PIAS2: variants seen among roughly 807,000 people sequenced by gnomAD.
PIAS2 encodes the protein E3 SUMO-protein ligase PIAS2.
PIAS2 carries 19 observed loss-of-function variants against 69.7 expected under a neutral mutation model. That is an observed-to-expected ratio of 0.27 (90% CI 0.19 to 0.40). PIAS2 has a LOEUF of 0.40. PIAS2 is among the 10% of genes least tolerant of loss of function. PIAS2 has a pLI of 1.00. For synonymous variants in PIAS2, 261 were observed against 263.2 expected, an observed-to-expected ratio of 0.99 and a Z score of 0.08; for missense variants, 624 against 757.0, an observed-to-expected ratio of 0.82 and a Z score of 2.06.
At chr18:46,880,090 A>G (rs992497886) in intron 2 of PIAS2, among the ~76,000 whole-genome samples, 1 of 120,794 alleles carries the variant, frequency 8.3e-6, no homozygotes, top group Admixed American at 7.9e-5. Context: ...TTACCACAGT[A>G]AAAAAAAAAA....
chr18:46,847,589 C>T (rs916683020), intron 5 of PIAS2, among the ~76,000 whole-genome samples: 2 of 151,716 alleles, frequency 1.3e-5, no homozygotes, highest in Admixed American at 1.3e-4. Context: ...TCACGCCAGT[C>T]TCCTGTCTCA....
At chr18:46,837,360 G>A (rs2044601802) in intron 8 of PIAS2, among the ~76,000 whole-genome samples, 2 of 152,144 alleles carry the variant, frequency 1.3e-5, no homozygotes, top group South Asian at 2.1e-4. Context: ...TTAAGTGGTA[G>A]TTGAGCCTCT....
chr18:46,820,258 TTA>T (rs563659208), intron 12 of PIAS2, among the ~76,000 whole-genome samples: 43 of 152,300 alleles, frequency 2.8e-4, no homozygotes, highest in African/African-American at 9.9e-4. Flanking sequence ...CAGCATATTG[TTA>T]TAATTGTTCT....
upstream of PIAS2, among the ~76,000 whole-genome samples, chr18:46,918,857 A>G (rs2058313528): frequency 1.3e-5 from 2 of 151,678 alleles, no homozygotes; most frequent in African/African-American, 4.9e-5. Context: ...ACCATCCCTC[A>G]CCCACATCCC....
chr18:46,877,143 G>C (rs867360642), intron 2 of PIAS2, among the ~76,000 whole-genome samples: 10 of 152,144 alleles, frequency 6.6e-5, no homozygotes, highest in Non-Finnish European at 2.9e-5. Context: ...TAGCACAAAG[G>C]CTTATTGAAA....
At chr18:46,838,066 C>T (rs1023161752) in intron 8 of PIAS2, among the ~76,000 whole-genome samples, 2 of 152,326 alleles carry the variant, frequency 1.3e-5, no homozygotes, top group Admixed American at 1.3e-4. Flanking sequence ...AAAATTAAAA[C>T]ATTCTTAGCT....
chr18:46,858,429 G>A (rs944969747), intron 3 of PIAS2, among the ~76,000 whole-genome samples: 5 of 152,314 alleles, frequency 3.3e-5, no homozygotes, highest in Admixed American at 3.3e-4. Context: ...ACAAGGGCTT[G>A]AAGCTGGGCG....
intron 1 of PIAS2, among the ~76,000 whole-genome samples, chr18:46,905,052 A>G (rs1180768927): frequency 6.6e-6 from 1 of 152,232 alleles, no homozygotes; most frequent in Non-Finnish European, 1.5e-5. Flanking sequence ...AACATATATA[A>G]AACTGCACCA....
Position 46,844,134 on chromosome 18 carries a change from AAAG to A in PIAS2, c.968-10_968-8del, listed in dbSNP as rs1359575969. 1 of 1,418,418 alleles carries A rather than the reference AAAG, an allele frequency of 7.1e-7. No homozygotes were observed. Among genetic ancestry groups the A allele is most frequent in the Admixed American group, 2.6e-5 (1 of 38,298 alleles). 87.9% of individuals were successfully genotyped at this position (1,418,418 alleles called of 1,614,324 possible). A position where few individuals can be genotyped will look rare whatever the true frequency, so the allele number is the denominator to read the frequency against. ...GCAGTAAGTTTTTCTTTAACTTTAA[AAAG>A]AAGAGAAAAAAAAAAATTTAAAAAA... On this transcript the variant is annotated splice_region_variant and splice_polypyrimidine_tract_variant and intron_variant, in intron 7 of 13. Transcript: ENST00000585916.
At position 46,808,734 on chromosome 18, in the gene PIAS2, T is replaced by C. The variant is rs1309478337; in HGVS notation, c.*3699A>G. 5.3e-5 allele frequency: 8 copies of C among 151,780 alleles called. No individual in the cohort carries two copies. In the East Asian group the frequency reaches 1.4e-3, roughly 26 times the overall value. 9.4% of individuals were successfully genotyped at this position (151,780 alleles called of 1,614,324 possible). On this transcript the variant is annotated 3_prime_UTR_variant, in exon 14 of 14. Transcript: ENST00000585916. ...CTAGAAAATAATGGTAGTGTCATTA[T>C]GACATTCCATGAAAATGAAGAAAAT...
At chr18:46,843,514 T>C (rs2045727013) in intron 8 of PIAS2, among the ~76,000 whole-genome samples, 1 of 152,164 alleles carries the variant, frequency 6.6e-6, no homozygotes. Flanking sequence ...TTATTAACAT[T>C]CTAAGCAAGC....
At chr18:46,892,053 G>T (rs529578330) in intron 1 of PIAS2, among the ~76,000 whole-genome samples, 5 of 152,030 alleles carry the variant, frequency 3.3e-5, no homozygotes, top group African/African-American at 1.2e-4. Context: ...GTGGTTTGGT[G>T]TCCCATCCCA....
rs191417304 is a variant in PIAS2, at chr18:46,901,697, C to T, written c.25-10643G>A. 5.3e-3 allele frequency among the ~76,000 whole-genome samples: 799 copies of T among 152,088 alleles called. 7 individuals carry two copies. The highest frequency in any genetic ancestry group is 0.018 in the African/African-American group (747 of 41,486). Reference sequence around the variant, plus strand: ...AATCATATGATCAAATCAATCAATGCGAAAAACGCATTTCACAAATTCAAC... The same window carrying T: ...AATCATATGATCAAATCAATCAATGTGAAAAACGCATTTCACAAATTCAAC... On this transcript the variant is annotated intron_variant, in intron 1 of 13. Coordinates refer to ENST00000585916, the MANE Select transcript of PIAS2 (RefSeq NM_004671.5).
chr18:46,915,984 G>A (rs1169368850), intron 1 of PIAS2, among the ~76,000 whole-genome samples: 2 of 152,154 alleles, frequency 1.3e-5, no homozygotes, highest in Admixed American at 1.3e-4. Context: ...AAGCTCTACA[G>A]CTGGGGCTCT....
At chr18:46,848,022 A>C (rs1041574959) in intron 5 of PIAS2, among the ~76,000 whole-genome samples, 1 of 152,238 alleles carries the variant, frequency 6.6e-6, no homozygotes, top group Non-Finnish European at 1.5e-5. Flanking sequence ...TACTATGTAT[A>C]TATGGCAAAG....
chr18:46,909,658 T>C (rs1044596410), intron 1 of PIAS2, among the ~76,000 whole-genome samples: 1 of 152,238 alleles, frequency 6.6e-6, no homozygotes, highest in Non-Finnish European at 1.5e-5. Context: ...TTTTGGAAGA[T>C]AATCTGACAT....
intron 2 of PIAS2, among the ~76,000 whole-genome samples, chr18:46,882,194 GAAT>G (rs2052379293): frequency 6.6e-6 from 1 of 152,060 alleles, no homozygotes; most frequent in African/African-American, 2.4e-5. Context: ...CAGTAAATTA[GAAT>G]ATTATATTTT....
chr18:46,828,098 T>A lies in PIAS2; in HGVS notation c.1369A>T (p.Thr457Ser). Reference sequence around the variant, plus strand: ...TTCTTGCTTGCCTCACTGGCTACAGTCACTGAACAAGGCTTACTGAGGACG... The same window carrying A: ...TTCTTGCTTGCCTCACTGGCTACAGACACTGAACAAGGCTTACTGAGGACG... Reference protein sequence around the residue: ...SSVLSKPCSVTVASEASKKKV... With the variant: ...SSVLSKPCSVSVASEASKKKV... The change falls in exon 11 of 14, where the codon ACT (threonine) becomes TCT (serine). Residue 457 changes from threonine (T) to serine (S), a missense_variant. This residue lies in a region of PIAS2 where 241 missense variants were observed against 257.3 expected (regional missense o/e 0.94). Transcript: ENST00000585916. 6.2e-7 allele frequency: 1 copy of A among 1,613,310 alleles called. No individual in the cohort carries two copies. The highest frequency in any genetic ancestry group is 8.5e-7 in the Non-Finnish European group (1 of 1,179,658).
At chr18:46,887,361 G>A (rs72913060) in intron 2 of PIAS2, among the ~76,000 whole-genome samples, 11,686 of 151,898 alleles carry the variant, frequency 0.077, 486 homozygotes, top group African/African-American at 0.1. Flanking sequence ...ACCAAGACAG[G>A]CTGCAGTACA....
Sources: allele counts gnomAD v4.1 joint callset (sites outside exome capture counted in the v4.1 genomes callset), GRCh38; gene constraint gnomAD v4.1.1; regional missense constraint gnomAD v4.1.1; transcripts MANE v1.5; gene names NCBI Gene and HGNC (gene_info 2026-07-23, HGNC 2026-07-21).